ANO6: variants seen among roughly 807,000 people sequenced by gnomAD.
ANO6 encodes the protein anoctamin-6.
ANO6 carries 106 observed loss-of-function variants against 117.5 expected under a neutral mutation model. That is an observed-to-expected ratio of 0.90 (90% confidence interval 0.77 to 1.06). The LOEUF (loss-of-function observed/expected upper bound fraction) is 1.06, where lower values mean the gene tolerates loss of function less well. ANO6 is among the 50% of genes least tolerant of loss of function. The pLI is 0.00. For missense variants in ANO6, 955 were observed against 1,121.1 expected (o/e 0.85, Z 2.12); for synonymous variants, 367 against 385.1 (o/e 0.95, Z 0.55).
chr12:45,225,599 C>T (rs1395622072), intron 1 of ANO6, among the ~76,000 whole-genome samples: 2 of 152,066 alleles, frequency 1.3e-5, no homozygotes, highest in Non-Finnish European at 2.9e-5. Flanking sequence ...CGCCATTCTC[C>T]TGCATCAGCC....
At chr12:45,330,986 A>T (rs1442513981) in intron 2 of ANO6, among the ~76,000 whole-genome samples, 1 of 151,838 alleles carries the variant, frequency 6.6e-6, no homozygotes, top group Non-Finnish European at 1.5e-5. Flanking sequence ...GTTCGTTTTC[A>T]ATCTTGATAT....
In ANO6 at chr12:45,292,576, G is replaced by A. The variant is rs151016366; in HGVS notation, c.71-9438G>A. 1.8e-4 allele frequency: 162 copies of A among 909,194 alleles called. No homozygotes were observed. The African/African-American group carries it at 2.6e-3, about 14-fold the overall frequency. The allele number at this position is 909,194 out of a possible 1,614,324, so 56.3% of individuals were successfully genotyped here. ...GTGTACATTGAGTTTTTCTATAAAAGCATTAGGTAATCCAGTTGTGTGTGA... is the reference window on the plus strand; with the variant it reads ...GTGTACATTGAGTTTTTCTATAAAAACATTAGGTAATCCAGTTGTGTGTGA... On this transcript the variant is annotated intron_variant, in intron 1 of 19. Transcript: ENST00000320560.
chr12:45,317,113 G>GTGTGTGTGTATATATATATATA lies in ANO6; in HGVS notation c.151-14181_151-14180insGTGTGTGTATATATATATATAT. On this transcript the variant is annotated intron_variant, in intron 2 of 19. Transcript: ENST00000320560. ...AAAGACAGCTGGATTCTTTTTATAT[G>GTGTGTGTGTATATATATATATA]TATATATATATATATATATTTATTA... Among the ~76,000 whole-genome samples, 484 of 66,460 alleles carry GTGTGTGTGTATATATATATATA rather than the reference G, an allele frequency of 7.3e-3. 58 individuals carry two copies. The highest frequency in any genetic ancestry group is 0.026 in the East Asian group (64 of 2,430). The allele number at this position is 66,460 out of a possible 152,430, so 43.6% of individuals were successfully genotyped here. A position where few individuals can be genotyped will look rare whatever the true frequency, so the allele number is the denominator to read the frequency against.
chr12:45,384,408 G>A (rs1942244234), intron 10 of ANO6, among the ~76,000 whole-genome samples: 1 of 152,174 alleles, frequency 6.6e-6, no homozygotes, highest in Non-Finnish European at 1.5e-5. Flanking sequence ...TGGCAAACTG[G>A]CACAAGAGGC....
chr12:45,320,247 T>G (rs1334397496), intron 2 of ANO6, among the ~76,000 whole-genome samples: 1 of 152,204 alleles, frequency 6.6e-6, no homozygotes, highest in African/African-American at 2.4e-5. Context: ...CTTTCTCTTG[T>G]GGGCATTTAG....
chr12:45,346,905 C>A, intron 3 of ANO6, 117 bp from the exon 4 acceptor site: 1 of 858,966 alleles, frequency 1.2e-6, no homozygotes, highest in Non-Finnish European at 1.9e-6. Flanking sequence ...AATGCTGATG[C>A]ATTTCTTTTT....
chr12:45,394,283 A>G (rs972297376), intron 12 of ANO6, among the ~76,000 whole-genome samples: 2 of 152,236 alleles, frequency 1.3e-5, no homozygotes, highest in Non-Finnish European at 2.9e-5. Context: ...GGATCAATTC[A>G]ACAAGAAGAG....
At chr12:45,260,224 C>A (rs1160630599) in intron 1 of ANO6, among the ~76,000 whole-genome samples, 1 of 152,240 alleles carries the variant, frequency 6.6e-6, no homozygotes, top group East Asian at 1.9e-4. Flanking sequence ...ACAGTTCAGC[C>A]TGTACAAAGG....
At chr12:45,226,095 T>C (rs1470873024) in intron 1 of ANO6, among the ~76,000 whole-genome samples, 1 of 152,200 alleles carries the variant, frequency 6.6e-6, no homozygotes, top group Non-Finnish European at 1.5e-5. Context: ...GATGAGTATG[T>C]CAACAATAGA....
At chr12:45,273,150 A>C (rs555033327) in intron 1 of ANO6, among the ~76,000 whole-genome samples, 2 of 152,236 alleles carry the variant, frequency 1.3e-5, no homozygotes, top group South Asian at 4.1e-4. Flanking sequence ...GGGCTGGGGG[A>C]AATGAGACAT....
intron 2 of ANO6, among the ~76,000 whole-genome samples, chr12:45,329,601 C>T (rs1440114529): frequency 1.3e-5 from 2 of 152,052 alleles, no homozygotes; most frequent in Admixed American, 1.3e-4. Context: ...ACTTAACTTC[C>T]GTGAGCTCCT....
intron 1 of ANO6, among the ~76,000 whole-genome samples, chr12:45,245,545 A>G (rs1294381824): frequency 1.3e-5 from 2 of 151,506 alleles, no homozygotes; most frequent in Non-Finnish European, 2.9e-5. Flanking sequence ...ACTGTTTTAC[A>G]GGCATTTTTT....
At chr12:45,439,743 A>C in exon 20 of ANO6, 3 of 1,540,986 alleles carry the variant, frequency 1.9e-6, no homozygotes, top group Non-Finnish European at 2.6e-6. Context: ...TCCGCCTCCC[A>C]GTTGACTGCT....
chr12:45,389,275 C>T (rs1942379307), intron 11 of ANO6, among the ~76,000 whole-genome samples: 1 of 152,194 alleles, frequency 6.6e-6, no homozygotes, highest in Admixed American at 6.5e-5. Flanking sequence ...AATGTAAAAG[C>T]TTCAAATAAT....
intron 2 of ANO6, 146 bp from the exon 3 acceptor site, chr12:45,331,149 A>G (rs1940647891): frequency 3.1e-6 from 2 of 652,766 alleles, no homozygotes; most frequent in Non-Finnish European, 5.3e-6. Context: ...TGTCAGTCAT[A>G]GTGGCCATGA....
At position 45,429,118 on chromosome 12, in the gene ANO6, CTG is replaced by C. The variant is rs769183556; in HGVS notation, c.2543_2544del (p.Val848GlufsTer32). 1.9e-6 allele frequency: 3 copies of C among 1,613,604 alleles called. No individual in the cohort carries two copies. Among genetic ancestry groups the C allele is most frequent in the South Asian group, 1.1e-5 (1 of 91,058 alleles). ...TCTCTTCCCCAGCACGTCATCTACT[CTG>C]TGAAATTTTTCATTTCATATGCAAT... On this transcript the variant is annotated frameshift_variant, in exon 20 of 20. Coordinates refer to ENST00000320560, the MANE Select transcript of ANO6 (RefSeq NM_001025356.3). LOFTEE classifies it high-confidence loss of function.
At chr12:45,290,516 G>T (rs190774881) in intron 1 of ANO6, among the ~76,000 whole-genome samples, 1 of 152,174 alleles carries the variant, frequency 6.6e-6, no homozygotes, top group Non-Finnish European at 1.5e-5. Context: ...GCAAACCCAG[G>T]ATAATGTTGA....
chr12:45,384,757 A>C (rs1942252896), intron 10 of ANO6, among the ~76,000 whole-genome samples: 1 of 152,222 alleles, frequency 6.6e-6, no homozygotes, highest in Non-Finnish European at 1.5e-5. Context: ...AATAATAATG[A>C]AAAATTTGAA....
chr12:45,278,184 A>T (rs1938611906), intron 1 of ANO6, among the ~76,000 whole-genome samples: 1 of 152,110 alleles, frequency 6.6e-6, no homozygotes, highest in East Asian at 1.9e-4. Flanking sequence ...CTGGAACTCT[A>T]GGCCTTAAGT....
Sources: allele counts gnomAD v4.1 joint callset (sites outside exome capture counted in the v4.1 genomes callset), GRCh38; gene constraint gnomAD v4.1.1; transcripts MANE v1.5; gene names NCBI Gene and HGNC (gene_info 2026-07-23, HGNC 2026-07-21).